CCDC169: variants seen among roughly 807,000 people sequenced by gnomAD.
CCDC169 encodes the protein coiled-coil domain-containing protein 169.
Under a neutral mutation model 36.0 loss-of-function variants are expected in CCDC169, and 30 were observed. The ratio of observed to expected loss-of-function variants is 0.83; its 90% CI spans 0.62 to 1.13. CCDC169 has a LOEUF of 1.13. CCDC169 is among the 50% of genes most tolerant of loss of function. The pLI, the probability that CCDC169 is intolerant of heterozygous loss-of-function variation, is 0.00. For synonymous variants in CCDC169, 85 were observed against 81.5 expected (o/e 1.04, Z -0.23); for missense variants, 245 against 245.9 (o/e 1.00, Z 0.03).
At chr13:36,295,192 T>C (rs553558137) in intron 2 of CCDC169, among the ~76,000 whole-genome samples, 10 of 152,354 alleles carry the variant, frequency 6.6e-5, no homozygotes, top group Admixed American at 1.3e-4. Flanking sequence ...ATAGAACTTA[T>C]ATGACTTCTC....
At chr13:36,272,667 T>G (rs775496838) in intron 4 of CCDC169, among the ~76,000 whole-genome samples, 1 of 152,202 alleles carries the variant, frequency 6.6e-6, no homozygotes, top group Non-Finnish European at 1.5e-5. Flanking sequence ...TCCTAGCTGC[T>G]GGTTTATGGA....
At chr13:36,250,468 A>G (rs765485009) in intron 6 of CCDC169, among the ~76,000 whole-genome samples, 1 of 152,202 alleles carries the variant, frequency 6.6e-6, no homozygotes, top group African/African-American at 2.4e-5. Flanking sequence ...GAGAAGAAAA[A>G]TGGGTGTGGC....
chr13:36,276,735 T>G (rs753893890), intron 4 of CCDC169, among the ~76,000 whole-genome samples: 6 of 152,158 alleles, frequency 3.9e-5, no homozygotes, highest in Non-Finnish European at 1.5e-5. Context: ...GACTTCCACT[T>G]TGCAATACAA....
chr13:36,229,033 T>C (rs1170519157), downstream of CCDC169, among the ~76,000 whole-genome samples: 2 of 152,242 alleles, frequency 1.3e-5, no homozygotes, highest in Non-Finnish European at 2.9e-5. Flanking sequence ...TTTATTTTCA[T>C]CTTTTATCTT....
chr13:36,225,941 G>C (rs1316802191), downstream of CCDC169: 1 of 152,202 alleles, frequency 6.6e-6, no homozygotes, highest in African/African-American at 2.4e-5. Context: ...AAAAGCAACA[G>C]ATGCTGGTGA....
At chr13:36,273,189 C>A (rs768382220) in intron 4 of CCDC169, among the ~76,000 whole-genome samples, 3 of 152,128 alleles carry the variant, frequency 2.0e-5, no homozygotes, top group Non-Finnish European at 4.4e-5. Context: ...TAATAAATAT[C>A]ATATCCAAAT....
intron 4 of CCDC169, among the ~76,000 whole-genome samples, chr13:36,282,162 CACA>C (rs1392240899): frequency 6.6e-6 from 1 of 152,002 alleles, no homozygotes; most frequent in Non-Finnish European, 1.5e-5. Context: ...CTAAACAATC[CACA>C]ACAAGGATAA....
At chr13:36,288,377 T>C (rs1025062721) in intron 2 of CCDC169, among the ~76,000 whole-genome samples, 2 of 152,204 alleles carry the variant, frequency 1.3e-5, no homozygotes, top group East Asian at 3.8e-4. Flanking sequence ...GTAATCTAGA[T>C]AAACTATTAA....
At chr13:36,272,950 AC>A (rs1230416404) in intron 4 of CCDC169, among the ~76,000 whole-genome samples, 1 of 152,014 alleles carries the variant, frequency 6.6e-6, no homozygotes, top group Non-Finnish European at 1.5e-5. Flanking sequence ...TCTCACCCCC[AC>A]CTTCTTCCAT....
rs1302353971 is a variant in CCDC169 at position 36,297,713 on chromosome 13, C to T, written c.7G>A (p.Glu3Lys). The stretch of plus-strand genomic sequence containing the variant: ...CCGTCGAAGTTGTAGTTTCTCTCTT[C>T]CTTCATAGTGTCAGGCCAGAGACCT... MK[E>K]ERNYNFDGVS... Residue 3 changes from glutamate to lysine, a missense_variant, in exon 1 of 8, where the codon GAA becomes AAA. Transcript: ENST00000239859. 14 of 1,551,166 alleles carry T rather than the reference C, an allele frequency of 9.0e-6. No homozygotes were observed. Among genetic ancestry groups the T allele is most frequent in the Non-Finnish European group, 1.2e-5 (14 of 1,147,008 alleles).
intron 4 of CCDC169, chr13:36,282,255 T>C (rs543102471): frequency 7.0e-6 from 3 of 430,556 alleles, no homozygotes; most frequent in South Asian, 9.7e-5. Flanking sequence ...TTTTCCCTAA[T>C]TGTCAATTTA....
chr13:36,227,049 G>A (rs1869914808), downstream of CCDC169: 17 of 438,588 alleles, frequency 3.9e-5, no homozygotes, highest in East Asian at 5.8e-4. Context: ...GAGGAGAGTT[G>A]GAAGAAGTTT....
intron 2 of CCDC169, among the ~76,000 whole-genome samples, chr13:36,287,760 T>C (rs916879681): frequency 2.0e-5 from 3 of 152,216 alleles, no homozygotes; most frequent in African/African-American, 7.2e-5. Context: ...GGTTTTATAT[T>C]TGTATCAGTG....
rs1202858213 is a variant in CCDC169 at position 36,254,273 on chromosome 13, T to TA, written c.316-131dup. 2,275 of 460,552 alleles carry TA rather than the reference T, an allele frequency of 4.9e-3. 34 individuals carry two copies. The highest frequency in any genetic ancestry group is 7.2e-3 in the South Asian group (197 of 27,424). 28.5% of individuals were successfully genotyped at this position (460,552 alleles called of 1,614,324 possible). ...TGTGATTTCATAATTCTATGATATG[T>TA]ACTTTTTTTTTTTTTTTTTTTAGAC... On this transcript the variant is annotated intron_variant, in intron 4 of 7. Transcript: ENST00000239859.
intron 2 of CCDC169, among the ~76,000 whole-genome samples, chr13:36,290,913 C>G (rs1313633082): frequency 6.6e-6 from 1 of 151,248 alleles, no homozygotes; most frequent in Non-Finnish European, 1.5e-5. Context: ...CATCCCAGAA[C>G]TTAAGTTAAT....
intron 4 of CCDC169, among the ~76,000 whole-genome samples, chr13:36,277,022 T>G (rs1237959348): frequency 6.6e-6 from 1 of 152,140 alleles, no homozygotes; most frequent in African/African-American, 2.4e-5. Flanking sequence ...AAGTATACAT[T>G]AAGCAGCACT....
At chr13:36,270,197 C>A (rs922979663) in intron 4 of CCDC169, among the ~76,000 whole-genome samples, 1 of 143,932 alleles carries the variant, frequency 6.9e-6, no homozygotes, top group Non-Finnish European at 1.6e-5. Context: ...AAAACAACAA[C>A]TAGGAATATA....
At chr13:36,258,339 G>C (rs540957654) in intron 4 of CCDC169, among the ~76,000 whole-genome samples, 2 of 152,230 alleles carry the variant, frequency 1.3e-5, no homozygotes, top group East Asian at 1.9e-4. Flanking sequence ...ATCTTGAATA[G>C]AGGCTAGGTA....
chr13:36,283,153 G>T (rs9547075), intron 4 of CCDC169: 2 of 284,208 alleles, frequency 7.0e-6, no homozygotes, highest in South Asian at 2.0e-4. Flanking sequence ...GCGTGCAAAA[G>T]GACTTATTTC....
Sources: allele counts gnomAD v4.1 joint callset (sites outside exome capture counted in the v4.1 genomes callset), GRCh38; gene constraint gnomAD v4.1.1; transcripts MANE v1.5; gene names NCBI Gene and HGNC (gene_info 2026-07-23, HGNC 2026-07-21).